Variants in XRCC5 observed in about 807,000 individuals in gnomAD.
The protein encoded by XRCC5 is X-ray repair cross complementing 5, also known as DNA repair protein Ku80.
In XRCC5, 12 loss-of-function variants were observed where a neutral mutation model predicts 95.7. The observed-to-expected ratio is 0.13, with a 90% confidence interval of 0.08 to 0.20. The LOEUF (loss-of-function observed/expected upper bound fraction) is 0.20, where lower values mean the gene tolerates loss of function less well. Ranked by LOEUF, XRCC5 falls within the 10% of genes least tolerant of loss-of-function variation. The pLI is 1.00. For missense variants in XRCC5, 595 were observed against 873.9 expected (o/e 0.68, Z 4.02); for synonymous variants, 281 against 290.3 (o/e 0.97, Z 0.33).
chr2:216,187,861 T>TCTCTCC (rs143232624), intron 16 of XRCC5, among the ~76,000 whole-genome samples: 3 of 116,234 alleles, frequency 2.6e-5, no homozygotes, highest in African/African-American at 1.3e-4. Context: ...TCTCTCTCTC[T>TCTCTCC]CCCCGTCTCC....
intron 16 of XRCC5, among the ~76,000 whole-genome samples, chr2:216,184,314 T>G (rs1442986119): frequency 6.6e-6 from 1 of 152,222 alleles, no homozygotes; most frequent in Admixed American, 6.5e-5. Flanking sequence ...TTACATAATT[T>G]GTTTTTTATA....
At chr2:216,176,101 C>T (rs1380918219) in intron 16 of XRCC5, 1 of 174,572 alleles carries the variant, frequency 5.7e-6, no homozygotes, top group African/African-American at 2.4e-5. Flanking sequence ...CTGTGGGAAG[C>T]TTTTTAATAC....
At chr2:216,195,107 T>C in intron 19 of XRCC5, 121 bp downstream of exon 19, 1 of 874,010 alleles carries the variant, frequency 1.1e-6, no homozygotes, top group South Asian at 1.5e-5. Context: ...TTGTATTCAA[T>C]ATGTAAATTG....
intron 12 of XRCC5, among the ~76,000 whole-genome samples, chr2:216,140,212 T>C (rs956568188): frequency 1.3e-5 from 2 of 152,220 alleles, no homozygotes; most frequent in African/African-American, 2.4e-5. Context: ...ATGATAAATA[T>C]CTGTATGCTC....
chr2:216,158,442 A>C (rs985030950), intron 14 of XRCC5, among the ~76,000 whole-genome samples: 3 of 152,194 alleles, frequency 2.0e-5, no homozygotes, highest in African/African-American at 7.2e-5. Flanking sequence ...TCAGTAGTTT[A>C]ATGTTGTTGG....
intron 19 of XRCC5, among the ~76,000 whole-genome samples, chr2:216,196,256 G>C (rs960505858): frequency 1.3e-5 from 2 of 151,912 alleles, no homozygotes; most frequent in Non-Finnish European, 2.9e-5. Context: ...TACTTTCAGG[G>C]AGTAGAATCC....
chr2:216,141,380 G>T, intron 13 of XRCC5, 61 bp downstream of exon 13: 3 of 1,600,438 alleles, frequency 1.9e-6, no homozygotes, highest in Non-Finnish European at 2.6e-6. Flanking sequence ...TAAGTGCAAA[G>T]TTGCGGTAAT....
intron 2 of XRCC5, among the ~76,000 whole-genome samples, chr2:216,115,602 A>G (rs546884205): frequency 2.0e-5 from 3 of 152,336 alleles, no homozygotes; most frequent in African/African-American, 7.2e-5. Flanking sequence ...ACAGAATTCC[A>G]TTATCTCTCC....
At chr2:216,134,726 G>A (rs182615592) in intron 10 of XRCC5, among the ~76,000 whole-genome samples, 154 of 146,652 alleles carry the variant, frequency 1.1e-3, no homozygotes, top group Non-Finnish European at 1.4e-3. Flanking sequence ...GTGAGCCACC[G>A]TGCCCAGCCC....
intron 17 of XRCC5, among the ~76,000 whole-genome samples, chr2:216,190,645 T>A (rs1053306019): frequency 2.0e-5 from 3 of 152,158 alleles, no homozygotes; most frequent in African/African-American, 7.2e-5. Context: ...TAACCTCTGG[T>A]GGCCCACTCA....
chr2:216,171,930 T>A (rs1689172969), intron 16 of XRCC5, among the ~76,000 whole-genome samples: 1 of 152,246 alleles, frequency 6.6e-6, no homozygotes, highest in African/African-American at 2.4e-5. Context: ...TGATGATCTT[T>A]TGTAAATTAT....
intron 14 of XRCC5, among the ~76,000 whole-genome samples, chr2:216,152,555 C>CTG (rs1688763318): frequency 6.6e-6 from 1 of 152,060 alleles, no homozygotes; most frequent in East Asian, 1.9e-4. Flanking sequence ...TTGCATGTAC[C>CTG]TCCCTTCTTT....
intron 5 of XRCC5, among the ~76,000 whole-genome samples, chr2:216,120,205 C>T (rs999599361): frequency 6.6e-6 from 1 of 152,172 alleles, no homozygotes; most frequent in Non-Finnish European, 1.5e-5. Context: ...ACACTTCTTA[C>T]TGAGTTGAGG....
chr2:216,171,016 T>TGTGCTG (rs1205789868), intron 16 of XRCC5, among the ~76,000 whole-genome samples: 2 of 152,220 alleles, frequency 1.3e-5, no homozygotes, highest in African/African-American at 4.8e-5. Flanking sequence ...GGTTTCAGAT[T>TGTGCTG]GTGCTGATGT....
rs775913646 is a variant in XRCC5, at chr2:216,204,355, A to C, written c.2143A>C (p.Thr715Pro). ...CCCCAAAGACAAACCAAGTGGAGAC[A>C]CAGCAGCTGTATTTGAAGAAGGTGG... ...LAPKDKPSGD[T>P]AAVFEEGGDV... Residue 715 changes from threonine to proline, a missense_variant, in exon 20 of 21, where the codon ACA (threonine) becomes CCA (proline). Transcript: ENST00000392132. The C allele has an allele frequency of 1.9e-6, 3 of 1,613,962 alleles. No individual in the cohort carries two copies. In the Admixed American group the frequency reaches 5.0e-5, roughly 27 times the overall value.
At chr2:216,159,431 G>A (rs1213652053) in intron 14 of XRCC5, among the ~76,000 whole-genome samples, 2 of 152,170 alleles carry the variant, frequency 1.3e-5, no homozygotes, top group Non-Finnish European at 2.9e-5. Flanking sequence ...CTACTGGACT[G>A]TTAGCATATT....
chr2:216,175,007 A>G (rs1431548560), intron 16 of XRCC5: 2 of 307,934 alleles, frequency 6.5e-6, no homozygotes, highest in Non-Finnish European at 1.3e-5. Flanking sequence ...ATGGGTTCAT[A>G]ATTTGATTGT....
chr2:216,185,457 A>C (rs1336522202), intron 16 of XRCC5, among the ~76,000 whole-genome samples: 4 of 152,344 alleles, frequency 2.6e-5, no homozygotes, highest in Non-Finnish European at 5.9e-5. Flanking sequence ...GGCTTAAACA[A>C]TGATTATAAT....
At chr2:216,178,092 AAG>A (rs869177675) in intron 16 of XRCC5, among the ~76,000 whole-genome samples, 1 of 152,238 alleles carries the variant, frequency 6.6e-6, no homozygotes, top group Admixed American at 6.5e-5. Context: ...TAAAACAAAA[AAG>A]AAAGAAAAGG....
Sources: allele counts gnomAD v4.1 joint callset (sites outside exome capture counted in the v4.1 genomes callset), GRCh38; gene constraint gnomAD v4.1.1; transcripts MANE v1.5; gene names NCBI Gene and HGNC (gene_info 2026-07-23, HGNC 2026-07-21).